Variants in WWC2 observed in about 807,000 individuals in gnomAD.
WWC2 encodes the protein protein WWC2.
In WWC2, 101 loss-of-function variants were observed where a neutral mutation model predicts 138.5. The ratio of observed to expected loss-of-function variants is 0.73; its 90% CI spans 0.62 to 0.86. The LOEUF is 0.86. Among genes scored for constraint, WWC2 ranks in the 40% least tolerant of loss-of-function variants. The pLI is 0.00. For synonymous variants in WWC2, 558 were observed against 538.4 expected (o/e 1.04, Z -0.50); for missense variants, 1,420 against 1,419.4 (o/e 1.00, Z -0.01).
rs988846349 is a variant in WWC2 at position 183,318,234 on chromosome 4, G to A, written c.*2505G>A. 1 of 152,526 alleles carries A rather than the reference G, an allele frequency of 6.6e-6. No homozygotes were observed. Among genetic ancestry groups the A allele is most frequent in the African/African-American group, 2.4e-5 (1 of 41,420 alleles). 9.4% of individuals were successfully genotyped at this position (152,526 alleles called of 1,614,324 possible). A position where few individuals can be genotyped will look rare whatever the true frequency, so the allele number is the denominator to read the frequency against. On this transcript the variant is annotated 3_prime_UTR_variant, in exon 23 of 23. Transcript: ENST00000403733. Reference sequence around the variant, plus strand: ...GTGTTACAGGTACAAAAAGAATATTGCTAGCCAAATGAACAAAGTTTAGCT... The same window carrying A: ...GTGTTACAGGTACAAAAAGAATATTACTAGCCAAATGAACAAAGTTTAGCT...
chr4:183,230,475 G>A (rs530482562), intron 4 of WWC2, among the ~76,000 whole-genome samples: 18 of 152,296 alleles, frequency 1.2e-4, no homozygotes, highest in South Asian at 4.1e-4. Context: ...TCAGGAGTTC[G>A]AGACCGGCCT....
At chr4:183,099,725 C>T (rs1036435524) in intron 1 of WWC2, 103 bp downstream of exon 1, 18 of 1,096,838 alleles carry the variant, frequency 1.6e-5, no homozygotes, top group Non-Finnish European at 2.0e-5. Context: ...CCGCGGTGCC[C>T]CGAGGGGTCC....
At chr4:183,133,791 C>A (rs1394384589) in intron 1 of WWC2, among the ~76,000 whole-genome samples, 2 of 152,110 alleles carry the variant, frequency 1.3e-5, no homozygotes, top group Non-Finnish European at 2.9e-5. Flanking sequence ...CACCATGCCC[C>A]GCCTTCTCAT....
At chr4:183,123,620 T>C (rs1732672234) in intron 1 of WWC2, among the ~76,000 whole-genome samples, 1 of 152,146 alleles carries the variant, frequency 6.6e-6, no homozygotes, top group Non-Finnish European at 1.5e-5. Context: ...GTTTTTTAAA[T>C]CTGAAGGCAA....
At position 183,240,140 on chromosome 4, in the gene WWC2, A is replaced by T. The variant is rs1326273862; in HGVS notation, c.523-43A>T. 7 of 1,408,046 alleles carry T rather than the reference A, an allele frequency of 5.0e-6. No homozygotes were observed. The Admixed American group carries it at 1.7e-4, about 34-fold the overall frequency. The allele number at this position is 1,408,046 out of a possible 1,614,324, so 87.2% of individuals were successfully genotyped here. Reference sequence around the variant, plus strand: ...TTTAAAACTGTAGACTGTGTTGCTAATTATCTGCAAACATTAATGTTTATG... The same window carrying T: ...TTTAAAACTGTAGACTGTGTTGCTATTTATCTGCAAACATTAATGTTTATG... On this transcript the variant is annotated intron_variant, in intron 4 of 22. Transcript: ENST00000403733.
chr4:183,179,102 G>A (rs141511031), intron 1 of WWC2, among the ~76,000 whole-genome samples: 83 of 152,258 alleles, frequency 5.5e-4, no homozygotes, highest in Non-Finnish European at 8.1e-4. Context: ...AACATGAAAA[G>A]CCTCATAAAT....
intron 21 of WWC2, among the ~76,000 whole-genome samples, chr4:183,300,615 G>T (rs986229458): frequency 1.1e-4 from 17 of 152,036 alleles, no homozygotes; most frequent in Non-Finnish European, 4.4e-5. Context: ...TATATGTTTT[G>T]CCACCTAATT....
At chr4:183,235,033 C>G (rs1736373505) in intron 4 of WWC2, among the ~76,000 whole-genome samples, 1 of 152,184 alleles carries the variant, frequency 6.6e-6, no homozygotes, top group South Asian at 2.1e-4. Context: ...AAAACCAAAA[C>G]AACTAGAAAT....
intron 4 of WWC2, among the ~76,000 whole-genome samples, chr4:183,221,885 A>G (rs1345195501): frequency 6.6e-6 from 1 of 152,184 alleles, no homozygotes; most frequent in Admixed American, 6.5e-5. Flanking sequence ...CTATCTAGCA[A>G]TCACACTTAC....
chr4:183,151,842 A>G (rs1312500670), intron 1 of WWC2, among the ~76,000 whole-genome samples: 1 of 152,218 alleles, frequency 6.6e-6, no homozygotes, highest in Admixed American at 6.5e-5. Context: ...CAAAGATCAG[A>G]TGGTTGTAGA....
At chr4:183,305,830 T>C (rs970145472) in intron 21 of WWC2, among the ~76,000 whole-genome samples, 4 of 152,092 alleles carry the variant, frequency 2.6e-5, no homozygotes, top group Admixed American at 2.6e-4. Flanking sequence ...AGGAAGAGCA[T>C]TGAAAAAGGA....
intron 1 of WWC2, among the ~76,000 whole-genome samples, chr4:183,102,590 C>T (rs1743212498): frequency 6.6e-6 from 1 of 152,170 alleles, no homozygotes. Flanking sequence ...TAAATTGTCT[C>T]GACGCTTGCG....
chr4:183,282,000 T>C (rs763867163), intron 17 of WWC2, among the ~76,000 whole-genome samples: 64 of 152,222 alleles, frequency 4.2e-4, no homozygotes, highest in Admixed American at 2.6e-4. Context: ...TGTGCCAGTT[T>C]GTCATTATGT....
chr4:183,120,762 C>T (rs1193436773), intron 1 of WWC2, among the ~76,000 whole-genome samples: 1 of 152,146 alleles, frequency 6.6e-6, no homozygotes, highest in African/African-American at 2.4e-5. Context: ...CAATAAAATA[C>T]ATTTATTTAA....
At chr4:183,141,487 T>C (rs1733297663) in intron 1 of WWC2, among the ~76,000 whole-genome samples, 1 of 152,186 alleles carries the variant, frequency 6.6e-6, no homozygotes, top group African/African-American at 2.4e-5. Context: ...TGTGGGACCA[T>C]AATTCAGCCC....
Position 183,314,083 on chromosome 4 carries a change from CGGGAGG to C in WWC2, c.3513-1578_3513-1573del, listed in dbSNP as rs1739354338. On this transcript the variant is annotated intron_variant, in intron 22 of 22. Coordinates refer to ENST00000403733, the MANE Select transcript of WWC2 (RefSeq NM_024949.6). ...TGGCAGGCTGAGGTCTGGTACCAAG[CGGGAGG>C]GCAGGGCCACGGACCGTGTGGCAGC... 3.3e-5 allele frequency among the ~76,000 whole-genome samples: 5 copies of C among 152,078 alleles called. No individual in the cohort carries two copies. The South Asian group carries it at 1.0e-3, about 32-fold the overall frequency.
chr4:183,100,345 C>T (rs1413169482), intron 1 of WWC2, among the ~76,000 whole-genome samples: 3 of 152,208 alleles, frequency 2.0e-5, no homozygotes, highest in Non-Finnish European at 4.4e-5. Flanking sequence ...TGAGCTTAGC[C>T]TGGTTTCTTT....
chr4:183,247,613 A>ACTATATACTATATATG (rs1736826878), intron 6 of WWC2, among the ~76,000 whole-genome samples: 1 of 133,914 alleles, frequency 7.5e-6, no homozygotes, highest in Admixed American at 7.4e-5. Flanking sequence ...TGCTATATAT[A>ACTATATACTATATATG]CTATATATAC....
At chr4:183,172,056 T>A (rs1453481059) in intron 1 of WWC2, among the ~76,000 whole-genome samples, 1 of 152,218 alleles carries the variant, frequency 6.6e-6, no homozygotes, top group Non-Finnish European at 1.5e-5. Flanking sequence ...AATCATCTCT[T>A]TTTTCCATTG....
Sources: gnomAD v4.1 joint callset for allele counts (sites outside exome capture counted in the v4.1 genomes callset) on GRCh38, gnomAD v4.1.1 for gene constraint, MANE v1.5 for transcripts, NCBI Gene and HGNC (gene_info 2026-07-23, HGNC 2026-07-21) for gene names.